HSD3B7: variants seen among roughly 807,000 people sequenced by gnomAD.
The protein encoded by HSD3B7 is hydroxy-delta-5-steroid dehydrogenase, 3 beta- and steroid delta-isomerase 7, also known as 3 beta-hydroxysteroid dehydrogenase type 7.
Under a neutral mutation model 34.3 loss-of-function variants are expected in HSD3B7, and 35 were observed. The observed-to-expected ratio is 1.02, with a 90% CI of 0.78 to 1.35. The LOEUF is 1.35. Ranked by LOEUF, HSD3B7 falls within the 40% of genes most tolerant of loss-of-function variation. The probability of loss-of-function intolerance (pLI) is 0.00; values close to 1 mark genes in which losing one functional copy is unlikely to be tolerated. For synonymous variants in HSD3B7, 217 were observed against 220.1 expected (o/e 0.99, Z 0.13); for missense variants, 426 against 504.7 (o/e 0.84, Z 1.49).
In HSD3B7 at chr16:30,986,651, C is replaced by T; in HGVS notation, c.478C>T (p.Pro160Ser). The T allele has an allele frequency of 6.2e-7, 1 of 1,614,232 alleles. No homozygotes were observed. The highest frequency in any genetic ancestry group is 1.1e-5 in the South Asian group (1 of 91,090). Residue 160 changes from proline (P) to serine (S), a missense_variant, in exon 5 of 7, where the codon CCT becomes TCT. By Grantham distance (74) the Pro-to-Ser change is moderately conservative. Coordinates refer to ENST00000297679, the MANE Select transcript of HSD3B7 (RefSeq NM_025193.4). ...CGAAGCAGTGCACAGGCACCCCTAT[C>T]CTTGCAGCAAGGCCCTGGCCGAGTG... Reference protein sequence around the residue: ...PYEAVHRHPYPCSKALAEWLV... With the variant: ...PYEAVHRHPYSCSKALAEWLV...
Position 30,985,838 on chromosome 16 carries a change from G to A in HSD3B7, c.166+14G>A. 5 of 1,595,878 alleles carry A rather than the reference G, an allele frequency of 3.1e-6. No homozygotes were observed. The highest frequency in any genetic ancestry group is 4.3e-6 in the Non-Finnish European group (5 of 1,172,398). ...AGCTGAAGACAGGTTCTTGTTGGGG[G>A]AGCTTGTGGTGGAGAGGGTGTGGAC... On this transcript the variant is annotated intron_variant, in intron 2 of 6. Transcript: ENST00000297679.
chr16:30,985,572 G>A (rs1234235352), intron 1 of HSD3B7, 81 bp from the exon 2 acceptor site: 6 of 1,537,596 alleles, frequency 3.9e-6, no homozygotes, highest in Middle Eastern at 4.6e-4. Context: ...CCTCGTCACC[G>A]CTCCAGGGCA....
Position 30,988,159 on chromosome 16 carries a change from G to C in HSD3B7, c.1086G>C (p.Gln362His). 6.2e-7 allele frequency: 1 copy of C among 1,603,298 alleles called. No homozygotes were observed. Among genetic ancestry groups the C allele is most frequent in the South Asian group, 1.1e-5 (1 of 90,356 alleles). The change falls in exon 7 of 7, where the codon CAG (glutamine) becomes CAC (histidine). Residue 362 changes from glutamine to histidine, a missense_variant. Coordinates refer to ENST00000297679, the MANE Select transcript of HSD3B7 (RefSeq NM_025193.4). ...GGACCCGTACCATTCTCTGGGTACA[G>C]GCCGCTACGGGTTCAGCCCAGTGAC... is the stretch of plus-strand genomic sequence containing the variant. ...DSRTRTILWV[Q>H]AATGSAQ
chr16:30,985,359 C>G (rs752220726), intron 1 of HSD3B7, 62 bp downstream of exon 1: 930 of 1,305,430 alleles, frequency 7.1e-4, no homozygotes, highest in Non-Finnish European at 8.8e-4. Context: ...TTCCCACCTT[C>G]CTATAACCTT....
In HSD3B7 at chr16:30,987,820, A is replaced by G; in HGVS notation, c.747A>G (p.Ala249=). The G allele has an allele frequency of 9.3e-6, 15 of 1,613,218 alleles. No homozygotes were observed. The highest frequency in any genetic ancestry group is 1.2e-5 in the Non-Finnish European group (14 of 1,179,932). The part of the protein sequence containing the change: ...VLAARELEQR[A]TLMGGQVYFC... ...CAGCCCGGGAGCTGGAGCAGCGGGC[A>G]ACCCTGATGGGCGGCCAGGTATACT... is the stretch of plus-strand genomic sequence containing the variant. Residue 249 remains alanine (A), a synonymous_variant, in exon 7 of 7, where the codon GCA becomes GCG. Coordinates refer to ENST00000297679, the MANE Select transcript of HSD3B7 (RefSeq NM_025193.4).
chr16:30,986,020 CATGG>C, intron 2 of HSD3B7, 25 bp from the exon 3 acceptor site: 1 of 1,610,850 alleles, frequency 6.2e-7, no homozygotes, highest in Non-Finnish European at 8.5e-7. Context: ...CCAGCTCTGA[CATGG>C]CCTGTGTCCT....
intron 3 of HSD3B7, 33 bp downstream of exon 3, chr16:30,986,237 C>CCTGTT (rs1258437652): frequency 4.4e-6 from 7 of 1,607,824 alleles, no homozygotes; most frequent in Non-Finnish European, 5.9e-6. Flanking sequence ...GGCCATCTTG[C>CCTGTT]CTGTTTGTTC....
At position 30,988,248 on chromosome 16, in the gene HSD3B7, C is replaced by G; in HGVS notation, c.*65C>G. The G allele has an allele frequency of 2.0e-6, 3 of 1,476,444 alleles. No homozygotes were observed. The highest frequency in any genetic ancestry group is 2.7e-6 in the Non-Finnish European group (3 of 1,095,604). 91.5% of individuals were successfully genotyped at this position (1,476,444 alleles called of 1,614,324 possible). ...CACCCAGGTCCCGAGCCCTCACACC[C>G]TGGACGGGAAGGGACAGCTGCATTC... On this transcript the variant is annotated 3_prime_UTR_variant, in exon 7 of 7. Transcript: ENST00000297679.
In HSD3B7 at chr16:30,986,602, C is replaced by A. The variant is rs1182547088; in HGVS notation, c.432-3C>A. 2.5e-6 allele frequency: 4 copies of A among 1,613,930 alleles called. No homozygotes were observed. The highest frequency in any genetic ancestry group is 1.6e-4 in the Middle Eastern group (1 of 6,084). On this transcript the variant is annotated splice_region_variant and splice_polypyrimidine_tract_variant and intron_variant, in intron 4 of 6. Transcript: ENST00000297679. ...CATTGAGTCTTCCTTCTCCTCCCACCAGGGGCAACGAAGACACCCCATACG... is the reference window on the plus strand; with the variant it reads ...CATTGAGTCTTCCTTCTCCTCCCACAAGGGGCAACGAAGACACCCCATACG...
At position 30,988,111 on chromosome 16, in the gene HSD3B7, C is replaced by G; in HGVS notation, c.1038C>G (p.Pro346=). ...CTCAGCGCCATTTCGGCTATGAGCCCCTGTTCTCGTGGGAGGATAGCCGGA... is the reference window on the plus strand; with the variant it reads ...CTCAGCGCCATTTCGGCTATGAGCCGCTGTTCTCGTGGGAGGATAGCCGGA... ...DKAQRHFGYE[P]LFSWEDSRTR... is the part of the protein sequence containing the mutation. Residue 346 remains proline, a synonymous_variant, in exon 7 of 7, where the codon CCC becomes CCG. Transcript: ENST00000297679. 2 of 1,606,220 alleles carry G rather than the reference C, an allele frequency of 1.2e-6. No homozygotes were observed. The highest frequency in any genetic ancestry group is 3.3e-4 in the Middle Eastern group (2 of 6,052).
intron 6 of HSD3B7, 28 bp from the exon 7 acceptor site, chr16:30,987,740 G>A (rs762061760): frequency 1.2e-5 from 20 of 1,606,658 alleles, no homozygotes; most frequent in Non-Finnish European, 1.7e-5. Context: ...ACTCAGGGGT[G>A]TGTCCGCCTC....
intron 1 of HSD3B7, 105 bp from the exon 2 acceptor site, chr16:30,985,548 C>CTG (rs763560397): frequency 1.3e-5 from 20 of 1,531,952 alleles, no homozygotes; most frequent in Middle Eastern, 4.6e-4. Flanking sequence ...CTCTGCCCTC[C>CTG]CCGCAAACGC....
At chr16:30,987,197 C>T (rs1352259771) in intron 6 of HSD3B7, 195 bp downstream of exon 6, 2 of 628,954 alleles carry the variant, frequency 3.2e-6, no homozygotes, top group Admixed American at 3.0e-5. Context: ...CAAGTTGGGA[C>T]ATTAAAAAGT....
At position 30,986,623 on chromosome 16, in the gene HSD3B7, A is replaced by G; in HGVS notation, c.450A>G (p.Pro150=). 1.2e-6 allele frequency: 2 copies of G among 1,614,172 alleles called. No individual in the cohort carries two copies. Among genetic ancestry groups the G allele is most frequent in the Non-Finnish European group, 1.7e-6 (2 of 1,180,028 alleles). The part of the protein sequence containing the change: ...HPFYRGNEDT[P]YEAVHRHPYP... ...CCACCAGGGGCAACGAAGACACCCC[A>G]TACGAAGCAGTGCACAGGCACCCCT... Residue 150 remains proline, a synonymous_variant, in exon 5 of 7, where the codon CCA becomes CCG. Coordinates refer to ENST00000297679, the MANE Select transcript of HSD3B7 (RefSeq NM_025193.4).
chr16:30,986,383 G>A (rs753618729), intron 3 of HSD3B7, 40 bp from the exon 4 acceptor site: 2 of 1,589,632 alleles, frequency 1.3e-6, no homozygotes, highest in East Asian at 4.5e-5. Flanking sequence ...ATGCAGAGAG[G>A]GAAGAAGCTG....
At chr16:30,987,056 C>T in intron 6 of HSD3B7, 54 bp downstream of exon 6, 1 of 1,568,234 alleles carries the variant, frequency 6.4e-7, no homozygotes, top group Non-Finnish European at 8.7e-7. Flanking sequence ...AGGACTTGCT[C>T]TAGAAGGGGG....
In HSD3B7 at chr16:30,987,924, TG is replaced by T. The variant is rs1292313501; in HGVS notation, c.854del (p.Gly285AlafsTer35). ...EFLGPCGLRL[V>X]GARPLLPYWL... ...CTGGGCCCCTGCGGACTGCGGCTGG[TG>T]GGCGCCCGCCCATTGCTGCCCTACT... is the stretch of plus-strand genomic sequence containing the variant. On this transcript the variant is annotated frameshift_variant, in exon 7 of 7. Coordinates refer to ENST00000297679, the MANE Select transcript of HSD3B7 (RefSeq NM_025193.4). LOFTEE classifies it high-confidence loss of function. The T allele has an allele frequency of 1.2e-6, 2 of 1,612,884 alleles. No homozygotes were observed. The highest frequency in any genetic ancestry group is 2.7e-5 in the African/African-American group (2 of 74,932).
In HSD3B7 at chr16:30,988,386, G is replaced by A; in HGVS notation, c.*203G>A. 3.4e-6 allele frequency: 2 copies of A among 589,216 alleles called. No individual in the cohort carries two copies. Among genetic ancestry groups the A allele is most frequent in the South Asian group, 2.0e-5 (1 of 49,594 alleles). 36.5% of individuals were successfully genotyped at this position (589,216 alleles called of 1,614,324 possible). A position where few individuals can be genotyped will look rare whatever the true frequency, so the allele number is the denominator to read the frequency against. ...CTTGCTCTGTCACCCAGACTGGAGT[G>A]CAGTGGTGTGATCATAGCTCACTGC... On this transcript the variant is annotated 3_prime_UTR_variant, in exon 7 of 7. Coordinates refer to ENST00000297679, the MANE Select transcript of HSD3B7 (RefSeq NM_025193.4).
At position 30,986,858 on chromosome 16, in the gene HSD3B7, C is replaced by T. The variant is rs745730562; in HGVS notation, c.550C>T (p.Leu184=). ...NGRKVRGGLP[L]VTCALRPTGI... is the part of the protein sequence containing the mutation. ...CCACCAGGTCCGTGGGGGGCTGCCC[C>T]TGGTGACGTGTGCCCTTCGTCCCAC... Residue 184 remains leucine (L), a synonymous_variant, in exon 6 of 7, where the codon CTG becomes TTG. Transcript: ENST00000297679. 2.5e-6 allele frequency: 4 copies of T among 1,613,896 alleles called. No homozygotes were observed. The highest frequency in any genetic ancestry group is 3.4e-6 in the Non-Finnish European group (4 of 1,180,054).
Sources: gnomAD v4.1 joint callset for allele counts on GRCh38, gnomAD v4.1.1 for gene constraint, MANE v1.5 for transcripts, NCBI Gene and HGNC (gene_info 2026-07-23, HGNC 2026-07-21) for gene names.